GAMT: variants seen among roughly 807,000 people sequenced by gnomAD.
The protein encoded by GAMT is guanidinoacetate N-methyltransferase.
In GAMT, 26 loss-of-function variants were observed where a neutral mutation model predicts 26.9. The ratio of observed to expected loss-of-function variants is 0.97; its 90% CI spans 0.71 to 1.34. The LOEUF (loss-of-function observed/expected upper bound fraction) is 1.34. Ranked by LOEUF, GAMT falls within the 40% of genes most tolerant of loss-of-function variation. The probability of loss-of-function intolerance (pLI) is 0.00; values close to 1 mark genes in which losing one functional copy is unlikely to be tolerated. For synonymous variants in GAMT, 169 were observed against 149.6 expected (o/e 1.13, Z -0.95); for missense variants, 412 against 345.0 (o/e 1.19, Z -1.54).
In GAMT at chr19:1,397,434, C is replaced by T. The variant is rs769713716; in HGVS notation, c.636G>A (p.Met212Ile). Residue 212 changes from methionine to isoleucine, a missense_variant, in exon 6 of 6, where the codon ATG (methionine) becomes ATA (isoleucine). By Grantham distance (10) the Met-to-Ile change is conservative (BLOSUM62 1). Transcript: ENST00000252288. ...GGCAGTCGGCCGGTGGGACCAGCGC[C>T]ATCACCTCCGTACGGATGTTCTCCC... is the stretch of plus-strand genomic sequence containing the variant. Reference protein sequence around the residue: ...FRRENIRTEVMALVPPADCRY... With the variant: ...FRRENIRTEVIALVPPADCRY... 2 of 1,611,294 alleles carry T rather than the reference C, an allele frequency of 1.2e-6. No homozygotes were observed. Among genetic ancestry groups the T allele is most frequent in the African/African-American group, 1.3e-5 (1 of 75,036 alleles).
At chr19:1,400,556 G>A (rs9973220) in intron 1 of GAMT, among the ~76,000 whole-genome samples, 11,046 of 152,250 alleles carry the variant, frequency 0.073, 1,228 homozygotes, top group African/African-American at 0.24. Context: ...GTTTGTCCCG[G>A]GTCCCTTATC....
rs141066224 is a variant in GAMT, at chr19:1,397,495, G to A, written c.575C>T (p.Thr192Met). 8.3e-5 allele frequency: 133 copies of A among 1,603,472 alleles called. No individual in the cohort carries two copies. Among genetic ancestry groups the A allele is most frequent in the African/African-American group, 2.7e-4 (20 of 75,058 alleles). The stretch of plus-strand genomic sequence containing the variant: ...GGCCTCCAGCAGCGCGGGCACCTGC[G>A]TCTCCTGGTCGGGGATGGCACCAGG... The part of the protein sequence containing the change: ...YSDITIMFEE[T>M]QVPALLEAGF... The change falls in exon 6 of 6, where the codon ACG becomes ATG. Residue 192 changes from threonine (T) to methionine (M), a missense_variant. Physicochemically the swap from Thr to Met is moderately conservative, Grantham distance 81 (BLOSUM62 -1). Transcript: ENST00000252288.
At position 1,399,281 on chromosome 19, in the gene GAMT, G is replaced by T. The variant is rs2082619386; in HGVS notation, c.392-86C>A. 6.8e-7 allele frequency: 1 copy of T among 1,464,020 alleles called. No homozygotes were observed. Among genetic ancestry groups the T allele is most frequent in the Non-Finnish European group, 9.6e-7 (1 of 1,045,354 alleles). The allele number at this position is 1,464,020 out of a possible 1,614,324, so 90.7% of individuals were successfully genotyped here. A position where few individuals can be genotyped will look rare whatever the true frequency, so the allele number is the denominator to read the frequency against. Reference sequence around the variant, plus strand: ...CCCGGCTCATCCCCCAGCGGGTGGAGGTGCAGTGAGACGGGGCCGTGGGTA... The same window carrying T: ...CCCGGCTCATCCCCCAGCGGGTGGATGTGCAGTGAGACGGGGCCGTGGGTA... On this transcript the variant is annotated intron_variant, in intron 3 of 5. Transcript: ENST00000252288. This position sits in a 1 kb window ranked among gnomAD's most constrained non-coding sequence, Gnocchi z 6.2.
chr19:1,401,319 A>G lies in GAMT; in HGVS notation c.158T>C (p.Leu53Pro). Reference protein sequence around the residue: ...ERWETPYMHALAAAASSKGGR... With the variant: ...ERWETPYMHAPAAAASSKGGR... ...ACCTTTGGAGGAGGCGGCGGCGGCC[A>G]GCGCGTGCATATAGGGGGTCTCCCA... The change falls in exon 1 of 6, where the codon CTG (leucine) becomes CCG (proline). Residue 53 changes from leucine to proline, a missense_variant. By Grantham distance (98) the Leu-to-Pro change is moderately conservative. Transcript: ENST00000252288. 6.6e-7 allele frequency: 1 copy of G among 1,519,960 alleles called. No individual in the cohort carries two copies. Among genetic ancestry groups the G allele is most frequent in the South Asian group, 1.2e-5 (1 of 82,060 alleles). 94.2% of individuals were successfully genotyped at this position (1,519,960 alleles called of 1,614,324 possible).
At chr19:1,400,020 G>GTCTCCCCAGCCCTGCCCT in intron 1 of GAMT, 82 bp from the exon 2 acceptor site, 1 of 1,512,214 alleles carries the variant, frequency 6.6e-7, no homozygotes, top group Non-Finnish European at 8.9e-7. Flanking sequence ...GGGCAGGGCA[G>GTCTCCCCAGCCCTGCCCT]GGCTGGGGAG....
rs1469012448 is a variant in GAMT, at chr19:1,399,326, G to C, written c.392-131C>G. 10 of 1,149,522 alleles carry C rather than the reference G, an allele frequency of 8.7e-6. No homozygotes were observed. Among genetic ancestry groups the C allele is most frequent in the Non-Finnish European group, 1.2e-5 (9 of 772,964 alleles). The allele number at this position is 1,149,522 out of a possible 1,614,324, so 71.2% of individuals were successfully genotyped here. On this transcript the variant is annotated intron_variant, in intron 3 of 5. Coordinates refer to ENST00000252288, the MANE Select transcript of GAMT (RefSeq NM_000156.6). This position sits in a 1 kb window ranked among gnomAD's most constrained non-coding sequence, Gnocchi z 6.2. The stretch of plus-strand genomic sequence containing the variant: ...TGGGTAGAGGTGGGGCTCCCACACA[G>C]GCTTGAGAACCCCGAGATCGCCTCC...
At chr19:1,401,216 G>C in intron 1 of GAMT, 80 bp downstream of exon 1, 1 of 1,197,870 alleles carries the variant, frequency 8.3e-7, no homozygotes, top group South Asian at 2.2e-5. Context: ...AGGGTGGGCT[G>C]CAGAGTCCCC....
intron 5 of GAMT, 88 bp downstream of exon 5, chr19:1,398,828 C>A: frequency 6.3e-7 from 1 of 1,575,294 alleles, no homozygotes; most frequent in Non-Finnish European, 8.6e-7. Context: ...GGACCCTCCC[C>A]AGGTAGCAAG....
In GAMT at chr19:1,401,321, C is replaced by G; in HGVS notation, c.156G>C (p.Ala52=). ...MERWETPYMH[A]LAAAASSKGG... ...CTTTGGAGGAGGCGGCGGCGGCCAG[C>G]GCGTGCATATAGGGGGTCTCCCAGC... The change falls in exon 1 of 6, where the codon GCG becomes GCC. Residue 52 remains alanine (A), a synonymous_variant. Coordinates refer to ENST00000252288, the MANE Select transcript of GAMT (RefSeq NM_000156.6). 1.3e-6 allele frequency: 2 copies of G among 1,520,412 alleles called. No individual in the cohort carries two copies. Among genetic ancestry groups the G allele is most frequent in the Non-Finnish European group, 1.8e-6 (2 of 1,140,688 alleles). The allele number at this position is 1,520,412 out of a possible 1,614,324, so 94.2% of individuals were successfully genotyped here.
chr19:1,399,092 G>A lies in GAMT; in HGVS notation c.459+36C>T. 6.2e-7 allele frequency: 1 copy of A among 1,613,364 alleles called. No homozygotes were observed. Among genetic ancestry groups the A allele is most frequent in the Non-Finnish European group, 8.5e-7 (1 of 1,179,918 alleles). ...GGTGTGGGCAGAGGGGCTTCCCCGA[G>A]GGCCTCCCGCATCCCAGCAAGTCAG... On this transcript the variant is annotated intron_variant, in intron 4 of 5. Transcript: ENST00000252288. This position sits in a 1 kb window ranked among gnomAD's most constrained non-coding sequence, Gnocchi z 6.2.
chr19:1,398,793 C>T, intron 5 of GAMT, 123 bp downstream of exon 5: 1 of 1,554,248 alleles, frequency 6.4e-7, no homozygotes, highest in Non-Finnish European at 8.7e-7. Context: ...CCAGCACAGT[C>T]CAGCCCACCC....
Position 1,401,405 on chromosome 19 carries a change from G to A in GAMT, c.72C>T (p.Pro24=). 1.4e-6 allele frequency: 2 copies of A among 1,457,126 alleles called. No individual in the cohort carries two copies. The highest frequency in any genetic ancestry group is 1.8e-6 in the Non-Finnish European group (2 of 1,107,666). 90.3% of individuals were successfully genotyped at this position (1,457,126 alleles called of 1,614,324 possible). The change falls in exon 1 of 6, where the codon CCC becomes CCT. Residue 24 remains proline, a synonymous_variant. Transcript: ENST00000252288. ...GCGTGTCCGCTGCGTCGTAGGCCGCGGGCGCCGCCCCCCACGCGGGGCTGC... is the reference window on the plus strand; with the variant it reads ...GCGTGTCCGCTGCGTCGTAGGCCGCAGGCGCCGCCCCCCACGCGGGGCTGC... ...ENCSPAWGAA[P]AAYDAADTHL...
chr19:1,397,509 GA>G lies in GAMT; in HGVS notation c.571-11del. On this transcript the variant is annotated splice_polypyrimidine_tract_variant and intron_variant, in intron 5 of 5. Coordinates refer to ENST00000252288, the MANE Select transcript of GAMT (RefSeq NM_000156.6). ...CGGGCACCTGCGTCTCCTGGTCGGG[GA>G]TGGCACCAGGTCACCTCTGAGGGCC... 6.2e-7 allele frequency: 1 copy of G among 1,601,450 alleles called. No individual in the cohort carries two copies.
Position 1,399,130 on chromosome 19 carries a change from T to C in GAMT, c.457A>G (p.Lys153Glu). Reference protein sequence around the residue: ...TWHTHQFNFIKNHAFRLLKPG... With the variant: ...TWHTHQFNFIENHAFRLLKPG... ...CCCAGCAAGTCAGAGAGAACCACCT[T>C]GATGAAGTTGAACTGGTGTGTGTGC... Residue 153 changes from lysine (K) to glutamate (E), a missense_variant and splice_region_variant, in exon 4 of 6, where the codon AAG (lysine) becomes GAG (glutamate). Coordinates refer to ENST00000252288, the MANE Select transcript of GAMT (RefSeq NM_000156.6). The surrounding 1 kb of genome is among the most constrained non-coding windows in gnomAD (Gnocchi z 6.2). 1 of 1,613,592 alleles carries C rather than the reference T, an allele frequency of 6.2e-7. No homozygotes were observed. Among genetic ancestry groups the C allele is most frequent in the South Asian group, 1.1e-5 (1 of 91,080 alleles).
chr19:1,399,766 C>T lies in GAMT; in HGVS notation c.327+27G>A, dbSNP rs2082622419. The stretch of plus-strand genomic sequence containing the variant: ...GCCCTCACCCCAAGGAGTGGGGGTC[C>T]TGGAGGGCCTGCGGGCAGAGGGGCA... On this transcript the variant is annotated intron_variant, in intron 2 of 5. Transcript: ENST00000252288. The surrounding 1 kb of genome is among the most constrained non-coding windows in gnomAD (Gnocchi z 6.2). 14 of 1,541,418 alleles carry T rather than the reference C, an allele frequency of 9.1e-6. No individual in the cohort carries two copies. The highest frequency in any genetic ancestry group is 1.2e-5 in the Non-Finnish European group (14 of 1,143,574).
intron 5 of GAMT, 164 bp from the exon 6 acceptor site, chr19:1,397,663 G>C: frequency 1.5e-6 from 2 of 1,379,270 alleles, no homozygotes; most frequent in African/African-American, 1.4e-5. Flanking sequence ...AGGTGTGAAC[G>C]GGAATCTCCA....
At chr19:1,397,854 C>T in intron 5 of GAMT, 1 of 1,150,362 alleles carries the variant, frequency 8.7e-7, no homozygotes, top group Non-Finnish European at 1.1e-6. Flanking sequence ...AAAGCTGCCC[C>T]AGGGGCCACA....
rs1447665588 is a variant in GAMT, at chr19:1,399,918, C to G, written c.202G>C (p.Gly68Arg). ...SSKGGRVLEV[G>R]FGMAIAASKV... is the part of the protein sequence containing the mutation. Reference sequence around the variant, plus strand: ...GACGCTGCGATGGCCATGCCAAAGCCCACCTCCAGGACCCGGCCCCCTGGG... The same window carrying G: ...GACGCTGCGATGGCCATGCCAAAGCGCACCTCCAGGACCCGGCCCCCTGGG... The change falls in exon 2 of 6, where the codon GGC becomes CGC. Residue 68 changes from glycine (G) to arginine (R), a missense_variant. By Grantham distance (125) the Gly-to-Arg change is moderately radical. Transcript: ENST00000252288. The surrounding 1 kb of genome is among the most constrained non-coding windows in gnomAD (Gnocchi z 6.2). 6.2e-7 allele frequency: 1 copy of G among 1,608,238 alleles called. No individual in the cohort carries two copies. Among genetic ancestry groups the G allele is most frequent in the African/African-American group, 1.3e-5 (1 of 74,876 alleles).
In GAMT at chr19:1,401,286, C is replaced by G. The variant is rs1555777328; in HGVS notation, c.181+10G>C. On this transcript the variant is annotated intron_variant, in intron 1 of 5. Transcript: ENST00000252288. ...GCCCCCGGGGGCGGTGCAGGCCGGG[C>G]GGGGGCTACCTTTGGAGGAGGCGGC... is the stretch of plus-strand genomic sequence containing the variant. 1 of 1,481,980 alleles carries G rather than the reference C, an allele frequency of 6.7e-7. No individual in the cohort carries two copies. Among genetic ancestry groups the G allele is most frequent in the Non-Finnish European group, 8.9e-7 (1 of 1,120,148 alleles). 91.8% of individuals were successfully genotyped at this position (1,481,980 alleles called of 1,614,324 possible).
Sources: gnomAD v4.1 joint callset for allele counts (sites outside exome capture counted in the v4.1 genomes callset) on GRCh38, gnomAD v4.1.1 for gene constraint, Gnocchi (gnomAD v3.1) non-coding constraint, MANE v1.5 for transcripts, NCBI Gene and HGNC (gene_info 2026-07-23, HGNC 2026-07-21) for gene names.